EXOC4: variants seen among roughly 807,000 people sequenced by gnomAD.
EXOC4 encodes the protein SEC8-like 1.
EXOC4 carries 71 observed loss-of-function variants against 107.2 expected under a neutral mutation model. The observed-to-expected ratio is 0.66, with a 90% CI of 0.55 to 0.81. EXOC4 has a LOEUF of 0.81. Ranked by LOEUF, EXOC4 falls within the 30% of genes least tolerant of loss-of-function variation. The pLI is 0.00. For synonymous variants in EXOC4, 456 were observed against 441.2 expected (o/e 1.03, Z -0.42); for missense variants, 1,108 against 1,189.6 (o/e 0.93, Z 1.01).
intron 10 of EXOC4, among the ~76,000 whole-genome samples, chr7:133,790,777 G>A (rs1217936963): frequency 1.3e-5 from 2 of 152,212 alleles, no homozygotes; most frequent in African/African-American, 4.8e-5. Context: ...CATGCTGCAC[G>A]CAGCTGGGGG....
At chr7:133,668,512 G>A (rs1458144385) in intron 10 of EXOC4, among the ~76,000 whole-genome samples, 1 of 152,056 alleles carries the variant, frequency 6.6e-6, no homozygotes, top group East Asian at 1.9e-4. Flanking sequence ...ATCTTGATTG[G>A]TGCAACCCTT....
At chr7:133,688,371 G>GA (rs1680633929) in intron 10 of EXOC4, among the ~76,000 whole-genome samples, 3 of 152,104 alleles carry the variant, frequency 2.0e-5, no homozygotes, top group Non-Finnish European at 4.4e-5. Context: ...AATACGTATT[G>GA]AAAAAAGTAA....
At chr7:133,980,525 G>C (rs1326926927) in intron 14 of EXOC4, among the ~76,000 whole-genome samples, 1 of 152,218 alleles carries the variant, frequency 6.6e-6, no homozygotes, top group Non-Finnish European at 1.5e-5. Context: ...GAATCATAAT[G>C]TAACTACTAC....
rs183285820 is a variant in EXOC4 at position 133,994,623 on chromosome 7, A to C, written c.2207-2869A>C. ...ATCCCTAGTATTAGGAAAACAGCTC[A>C]AAGTGCATGTCTTCATAAAGCGATC... is the stretch of plus-strand genomic sequence containing the variant. On this transcript the variant is annotated intron_variant, in intron 14 of 17. Transcript: ENST00000253861. Among the ~76,000 whole-genome samples the C allele has an allele frequency of 1.4e-4, 21 of 152,350 alleles. No homozygotes were observed. The East Asian group carries it at 3.1e-3, about 22-fold the overall frequency.
chr7:134,034,750 C>T (rs971581451), intron 17 of EXOC4, among the ~76,000 whole-genome samples: 2 of 152,168 alleles, frequency 1.3e-5, no homozygotes, highest in African/African-American at 4.8e-5. Flanking sequence ...AGTATGAAAA[C>T]GGACTAATAC....
intron 9 of EXOC4, among the ~76,000 whole-genome samples, chr7:133,614,111 G>C (rs1802134320): frequency 6.6e-6 from 1 of 152,242 alleles, no homozygotes; most frequent in Admixed American, 6.5e-5. Flanking sequence ...ATGTCGGCCT[G>C]AACAGGTTTT....
At chr7:133,632,725 A>G (rs1353718542) in intron 10 of EXOC4, among the ~76,000 whole-genome samples, 1 of 152,148 alleles carries the variant, frequency 6.6e-6, no homozygotes, top group East Asian at 1.9e-4. Context: ...AATACTTATG[A>G]TGCATATTTT....
chr7:133,990,749 C>G (rs149204174), intron 14 of EXOC4, among the ~76,000 whole-genome samples: 2 of 152,078 alleles, frequency 1.3e-5, no homozygotes, highest in East Asian at 3.9e-4. Context: ...CCACTGTGCC[C>G]CACCAGGATT....
At chr7:133,429,590 CCATTAGCAG>C (rs1797807777) in intron 7 of EXOC4, among the ~76,000 whole-genome samples, 1 of 152,186 alleles carries the variant, frequency 6.6e-6, no homozygotes, top group Admixed American at 6.5e-5. Context: ...CAATCACTCA[CCATTAGCAG>C]TCACTCCCAT....
chr7:133,720,983 T>G (rs916857474), intron 10 of EXOC4, among the ~76,000 whole-genome samples: 4 of 152,220 alleles, frequency 2.6e-5, no homozygotes, highest in African/African-American at 9.6e-5. Context: ...TATTTGATGT[T>G]GAAATGGTAA....
At chr7:134,042,284 A>G (rs919979935) in intron 17 of EXOC4, among the ~76,000 whole-genome samples, 4 of 152,214 alleles carry the variant, frequency 2.6e-5, no homozygotes, top group Admixed American at 6.5e-5. Flanking sequence ...TTAAAAGACT[A>G]TTATTTCAAC....
At chr7:133,256,042 C>G (rs993106578) in intron 1 of EXOC4, among the ~76,000 whole-genome samples, 1 of 150,864 alleles carries the variant, frequency 6.6e-6, no homozygotes, top group Non-Finnish European at 1.5e-5. Context: ...AGTGCAGTGG[C>G]GCAATCTTGG....
intron 9 of EXOC4, among the ~76,000 whole-genome samples, chr7:133,543,935 G>A (rs960519824): frequency 3.3e-5 from 5 of 152,116 alleles, no homozygotes; most frequent in African/African-American, 1.2e-4. Context: ...TAGTTTGCCT[G>A]TAAATGAAAT....
At position 134,007,676 on chromosome 7, in the gene EXOC4, G is replaced by C; in HGVS notation, c.2528G>C (p.Gly843Ala). Residue 843 changes from glycine to alanine, a missense_variant and splice_region_variant, in exon 17 of 18, where the codon GGC becomes GCC. Gly to Ala is a moderately conservative substitution (Grantham distance 60). Coordinates refer to ENST00000253861, the MANE Select transcript of EXOC4 (RefSeq NM_021807.4). Reference sequence around the variant, plus strand: ...GCCCCGCACTGTGCTGACCCCTCAGGCCTGGGCCACCTGATCTCCTGCATC... The same window carrying C: ...GCCCCGCACTGTGCTGACCCCTCAGCCCTGGGCCACCTGATCTCCTGCATC... The part of the protein sequence containing the change: ...QQHKFQYIFE[G>A]LGHLISCILI... 1 of 1,612,496 alleles carries C rather than the reference G, an allele frequency of 6.2e-7. No individual in the cohort carries two copies.
chr7:133,626,344 T>A (rs1266548956), intron 9 of EXOC4, among the ~76,000 whole-genome samples: 1 of 152,202 alleles, frequency 6.6e-6, no homozygotes. Context: ...TCAGACCTTA[T>A]GATTTTTGGC....
At chr7:133,475,546 A>G in intron 8 of EXOC4, 73 bp downstream of exon 8, 3 of 1,344,688 alleles carry the variant, frequency 2.2e-6, no homozygotes, top group Non-Finnish European at 3.2e-6. Context: ...TACTTTATTA[A>G]TAGCCATAAC....
chr7:133,331,226 A>G (rs566477707), intron 5 of EXOC4, among the ~76,000 whole-genome samples: 1 of 151,974 alleles, frequency 6.6e-6, no homozygotes, highest in Non-Finnish European at 1.5e-5. Context: ...ATAATAAAGA[A>G]CTGAGCAAAT....
intron 10 of EXOC4, among the ~76,000 whole-genome samples, chr7:133,688,436 A>G (rs1376648865): frequency 1.3e-5 from 2 of 152,120 alleles, no homozygotes; most frequent in Non-Finnish European, 2.9e-5. Context: ...TGGATTAGCG[A>G]TTTTACTTTA....
chr7:133,430,445 C>G (rs925602585), intron 7 of EXOC4, among the ~76,000 whole-genome samples: 9 of 152,160 alleles, frequency 5.9e-5, no homozygotes, highest in African/African-American at 2.2e-4. Context: ...CCTCTTCTAT[C>G]TAATATTTCC....
Sources: gnomAD v4.1 joint callset for allele counts (sites outside exome capture counted in the v4.1 genomes callset) on GRCh38, gnomAD v4.1.1 for gene constraint, MANE v1.5 for transcripts, NCBI Gene and HGNC (gene_info 2026-07-23, HGNC 2026-07-21) for gene names.